Variants in MECOM observed in about 807,000 individuals in gnomAD.
MECOM encodes MDS1 and EVI1 complex locus, also known as histone-lysine N-methyltransferase MECOM.
Under a neutral mutation model 116.3 loss-of-function variants are expected in MECOM, and 13 were observed. That is an observed-to-expected ratio of 0.11 (90% confidence interval 0.07 to 0.18). The LOEUF is 0.18. Among genes scored for constraint, MECOM ranks in the 10% least tolerant of loss-of-function variants. MECOM has a pLI of 1.00. For synonymous variants in MECOM, 528 were observed against 535.2 expected, an observed-to-expected ratio of 0.99 and a Z score of 0.19; for missense variants, 1,299 against 1,509.0, an observed-to-expected ratio of 0.86 and a Z score of 2.31.
intron 1 of MECOM, among the ~76,000 whole-genome samples, chr3:169,511,871 C>G (rs2109029108): frequency 6.6e-6 from 1 of 152,302 alleles, no homozygotes; most frequent in African/African-American, 2.4e-5. Context: ...TTTCCCCCAT[C>G]AGCCTTCTCT....
chr3:169,216,577 TA>T (rs527868465), intron 2 of MECOM, among the ~76,000 whole-genome samples: 14,614 of 133,626 alleles, frequency 0.11, 809 homozygotes, highest in African/African-American at 0.17. Context: ...CCTTCTCTAG[TA>T]AAAAAAAAAA....
intron 1 of MECOM, among the ~76,000 whole-genome samples, chr3:169,505,839 C>G (rs942379973): frequency 2.0e-5 from 3 of 152,204 alleles, no homozygotes; most frequent in Non-Finnish European, 4.4e-5. Context: ...AATAAAGACT[C>G]TTTCTCTGTC....
chr3:169,441,261 ATTCACGTT>A (rs1434233095), intron 1 of MECOM, among the ~76,000 whole-genome samples: 1 of 152,206 alleles, frequency 6.6e-6, no homozygotes, highest in Non-Finnish European at 1.5e-5. Context: ...CAACCAAGAT[ATTCACGTT>A]TCTGTGCTGT....
chr3:169,274,834 A>G (rs994006952), intron 2 of MECOM, among the ~76,000 whole-genome samples: 1 of 152,236 alleles, frequency 6.6e-6, no homozygotes, highest in Non-Finnish European at 1.5e-5. Context: ...AGCACTGCTG[A>G]AAGTTCTATT....
intron 2 of MECOM, among the ~76,000 whole-genome samples, chr3:169,149,097 T>TA (rs1221680953): frequency 1.4e-5 from 2 of 146,180 alleles, no homozygotes; most frequent in African/African-American, 5.2e-5. Context: ...TTTTTTTTTT[T>TA]AATTTAGCCA....
chr3:169,375,485 T>A (rs955962345), intron 2 of MECOM, among the ~76,000 whole-genome samples: 2 of 151,950 alleles, frequency 1.3e-5, no homozygotes, highest in African/African-American at 4.8e-5. Context: ...CAATAAAAAA[T>A]GATAAAGGGC....
At chr3:169,529,686 C>T (rs547708676) in intron 1 of MECOM, among the ~76,000 whole-genome samples, 20 of 152,306 alleles carry the variant, frequency 1.3e-4, no homozygotes, top group African/African-American at 4.8e-4. Flanking sequence ...ATTTTCATGA[C>T]TTTTCTTTGT....
At chr3:169,219,788 A>G (rs1325177915) in intron 2 of MECOM, among the ~76,000 whole-genome samples, 1 of 149,642 alleles carries the variant, frequency 6.7e-6, no homozygotes, top group Non-Finnish European at 1.5e-5. Flanking sequence ...TATTATATAC[A>G]TTAGTTTGCT....
At chr3:169,248,595 T>G (rs1380904400) in intron 2 of MECOM, among the ~76,000 whole-genome samples, 1 of 152,182 alleles carries the variant, frequency 6.6e-6, no homozygotes, top group East Asian at 1.9e-4. Context: ...CCCAAGATTA[T>G]GTCCTCATAT....
At chr3:169,248,430 C>A (rs1050794569) in intron 2 of MECOM, among the ~76,000 whole-genome samples, 10 of 152,178 alleles carry the variant, frequency 6.6e-5, no homozygotes, top group Non-Finnish European at 1.3e-4. Flanking sequence ...GTTTGTATTG[C>A]ACAAATTCTT....
rs1211801004 is a variant in MECOM at position 169,291,182 on chromosome 3, G to GA, written c.375+90004dup. Among the ~76,000 whole-genome samples the GA allele has an allele frequency of 3.9e-5, 6 of 152,078 alleles. 1 individual carries two copies. The South Asian group carries it at 6.2e-4, about 16-fold the overall frequency. Reference sequence around the variant, plus strand: ...TAGTCCAACATCATCCTCCTTATTGGAAAAATCCATTATTTGAAAATAGTC... The same window carrying GA: ...TAGTCCAACATCATCCTCCTTATTGGAAAAAATCCATTATTTGAAAATAGTC... On this transcript the variant is annotated intron_variant, in intron 2 of 16. Coordinates refer to ENST00000651503, the MANE Select transcript of MECOM (RefSeq NM_004991.4).
chr3:169,466,296 C>T (rs966998309), intron 1 of MECOM, among the ~76,000 whole-genome samples: 1 of 152,208 alleles, frequency 6.6e-6, no homozygotes, highest in Non-Finnish European at 1.5e-5. Flanking sequence ...CCTTGGTACA[C>T]ACCTTTGACC....
chr3:169,163,162 AG>A (rs1743090051), intron 2 of MECOM, among the ~76,000 whole-genome samples: 2 of 152,206 alleles, frequency 1.3e-5, no homozygotes, highest in African/African-American at 4.8e-5. Context: ...CTTCTTTGTA[AG>A]TAATTTGGCT....
At chr3:169,420,106 A>G (rs1434999959) in intron 1 of MECOM, among the ~76,000 whole-genome samples, 1 of 152,186 alleles carries the variant, frequency 6.6e-6, no homozygotes, top group Admixed American at 6.5e-5. Context: ...AAGCCAGGAA[A>G]CAACAGATGC....
At chr3:169,432,914 G>A (rs954411232) in intron 1 of MECOM, among the ~76,000 whole-genome samples, 1 of 152,162 alleles carries the variant, frequency 6.6e-6, no homozygotes, top group Non-Finnish European at 1.5e-5. Context: ...AAAGACCCGT[G>A]TAAATTCTAA....
chr3:169,128,266 G>A (rs541404803), intron 4 of MECOM, among the ~76,000 whole-genome samples: 3 of 152,330 alleles, frequency 2.0e-5, no homozygotes, highest in Non-Finnish European at 2.9e-5. Context: ...TGTGACTAGA[G>A]TATATTCCTC....
intron 2 of MECOM, among the ~76,000 whole-genome samples, chr3:169,298,005 A>G (rs1447100628): frequency 6.6e-6 from 1 of 152,224 alleles, no homozygotes; most frequent in Non-Finnish European, 1.5e-5. Context: ...TTGTGGGAAC[A>G]TCACCATAAA....
At chr3:169,115,011 G>A (rs1359360383) in intron 8 of MECOM, among the ~76,000 whole-genome samples, 1 of 152,006 alleles carries the variant, frequency 6.6e-6, no homozygotes, top group East Asian at 1.9e-4. Context: ...CAAAGAACCT[G>A]ACCCATTTAA....
intron 2 of MECOM, among the ~76,000 whole-genome samples, chr3:169,368,059 G>A (rs144049112): frequency 6.8e-4 from 104 of 152,132 alleles, no homozygotes; most frequent in Non-Finnish European, 5.4e-4. Context: ...CTTTAAAGAC[G>A]TAGTTTTTGG....
Sources: allele counts gnomAD v4.1 joint callset (sites outside exome capture counted in the v4.1 genomes callset), GRCh38; gene constraint gnomAD v4.1.1; transcripts MANE v1.5; gene names NCBI Gene and HGNC (gene_info 2026-07-23, HGNC 2026-07-21).